The following TBC1D8 variants were observed in gnomAD, a reference collection of about 807,000 sequenced individuals.
The protein encoded by TBC1D8 is BUB2-like protein 1.
In TBC1D8, 65 loss-of-function variants were observed where a neutral mutation model predicts 118.8. That is an observed-to-expected ratio of 0.55 (90% confidence interval 0.45 to 0.67). The LOEUF (loss-of-function observed/expected upper bound fraction) is 0.67. Among genes scored for constraint, TBC1D8 ranks in the 30% least tolerant of loss-of-function variants. TBC1D8 has a pLI of 0.00. For missense variants in TBC1D8, 1,376 were observed against 1,471.2 expected, an observed-to-expected ratio of 0.94 and a Z score of 1.06; for synonymous variants, 566 against 595.8, an observed-to-expected ratio of 0.95 and a Z score of 0.73.
At chr2:101,050,259 C>A in intron 5 of TBC1D8, 142 bp downstream of exon 5, 1 of 1,240,800 alleles carries the variant, frequency 8.1e-7, no homozygotes, top group Non-Finnish European at 1.1e-6. Flanking sequence ...AGATTAACGA[C>A]ATACAAAAAT....
chr2:101,040,975 TTGAG>T (rs1681353314), intron 5 of TBC1D8, among the ~76,000 whole-genome samples: 1 of 152,228 alleles, frequency 6.6e-6, no homozygotes, highest in Admixed American at 6.5e-5. Context: ...CCTTCCTGGT[TTGAG>T]TAACACTGAG....
At chr2:101,017,596 A>AC (rs1679750804) in intron 17 of TBC1D8, among the ~76,000 whole-genome samples, 1 of 152,178 alleles carries the variant, frequency 6.6e-6, no homozygotes, top group Non-Finnish European at 1.5e-5. Context: ...ATTTATCAGT[A>AC]CCTACCATCT....
At chr2:101,013,607 C>T (rs1679397315) in intron 17 of TBC1D8, among the ~76,000 whole-genome samples, 1 of 152,230 alleles carries the variant, frequency 6.6e-6, no homozygotes, top group Non-Finnish European at 1.5e-5. Flanking sequence ...ACAGATACCA[C>T]CAGCAGGAAG....
chr2:101,120,940 C>A (rs1218134722), intron 1 of TBC1D8, among the ~76,000 whole-genome samples: 1 of 152,220 alleles, frequency 6.6e-6, no homozygotes, highest in African/African-American at 2.4e-5. Flanking sequence ...TACACTACAG[C>A]TGGATGTGTA....
chr2:101,033,731 G>A lies in TBC1D8; in HGVS notation c.1631C>T (p.Pro544Leu). 4 of 1,613,722 alleles carry A rather than the reference G, an allele frequency of 2.5e-6. No individual in the cohort carries two copies. The highest frequency in any genetic ancestry group is 3.4e-6 in the Non-Finnish European group (4 of 1,179,664). The stretch of plus-strand genomic sequence containing the variant: ...CTCCACCAGATTCCCGTAGTAACCA[G>A]GGTGTGAGGCAAGATCCGTCACCGC... Reference protein sequence around the residue: ...SDAVTDLASHPGYYGNLVEES... With the variant: ...SDAVTDLASHLGYYGNLVEES... The change falls in exon 10 of 20, where the codon CCT (proline) becomes CTT (leucine). Residue 544 changes from proline to leucine, a missense_variant. Transcript: ENST00000409318.
At chr2:101,089,339 A>G (rs1296033933) in intron 2 of TBC1D8, among the ~76,000 whole-genome samples, 1 of 152,216 alleles carries the variant, frequency 6.6e-6, no homozygotes, top group African/African-American at 2.4e-5. Context: ...TTAGCTGTGG[A>G]TAAAGGGTTG....
chr2:101,136,715 C>T (rs1025540302), intron 1 of TBC1D8, among the ~76,000 whole-genome samples: 2 of 152,144 alleles, frequency 1.3e-5, no homozygotes, highest in African/African-American at 4.8e-5. Context: ...CTAGTCTGAC[C>T]CTTCACTCCA....
intron 5 of TBC1D8, among the ~76,000 whole-genome samples, chr2:101,044,107 G>A (rs1437311244): frequency 1.3e-5 from 2 of 152,214 alleles, no homozygotes; most frequent in South Asian, 2.1e-4. Flanking sequence ...TTTCAGGGCT[G>A]TCCTCACTTT....
chr2:101,059,938 CAA>C (rs77974585), intron 2 of TBC1D8, among the ~76,000 whole-genome samples: 1 of 143,130 alleles, frequency 7.0e-6, no homozygotes. Context: ...GACTCCGTCT[CAA>C]AAAAAAAAAA....
At position 101,124,841 on chromosome 2, in the gene TBC1D8, C is replaced by A. The variant is rs530410366; in HGVS notation, c.127+26286G>T. ...ATGAAGAGGCTGGGTGGCCAGGAAT[C>A]CTCTTTCGAAGCATCTGGAGACGTG... On this transcript the variant is annotated intron_variant, in intron 1 of 19. Transcript: ENST00000409318. Among the ~76,000 whole-genome samples the A allele has an allele frequency of 5.3e-5, 8 of 152,276 alleles. No individual in the cohort carries two copies. In the South Asian group the frequency reaches 8.3e-4, roughly 16 times the overall value.
At chr2:101,027,324 G>A in intron 15 of TBC1D8, 59 bp downstream of exon 15, 2 of 1,518,002 alleles carry the variant, frequency 1.3e-6, no homozygotes, top group Non-Finnish European at 1.8e-6. Flanking sequence ...GGCAGGCTGG[G>A]CACCGCGGCT....
intron 6 of TBC1D8, 146 bp from the exon 7 acceptor site, chr2:101,038,801 A>C (rs1573916834): frequency 1.1e-6 from 1 of 893,060 alleles, no homozygotes; most frequent in Non-Finnish European, 1.7e-6. Flanking sequence ...GGCACTGCTC[A>C]CCCCCACCAC....
intron 1 of TBC1D8, among the ~76,000 whole-genome samples, chr2:101,111,661 T>C (rs574811203): frequency 6.6e-6 from 1 of 152,290 alleles, no homozygotes; most frequent in Non-Finnish European, 1.5e-5. Context: ...GCCTCAGGTG[T>C]CTGGAGCGAG....
At chr2:101,101,486 T>C (rs113959253) in intron 1 of TBC1D8, among the ~76,000 whole-genome samples, 45,201 of 152,062 alleles carry the variant, frequency 0.3, 6,873 homozygotes, top group East Asian at 0.38. Context: ...GAAGACAGTA[T>C]GGCAATTCCT....
intron 11 of TBC1D8, among the ~76,000 whole-genome samples, chr2:101,030,625 A>G (rs896577953): frequency 6.6e-5 from 10 of 152,258 alleles, no homozygotes; most frequent in African/African-American, 2.4e-4. Context: ...TCATACATCT[A>G]ACCTATGACC....
chr2:101,141,004 C>T (rs1679077018), intron 1 of TBC1D8, among the ~76,000 whole-genome samples: 1 of 151,986 alleles, frequency 6.6e-6, no homozygotes, highest in African/African-American at 2.4e-5. Flanking sequence ...TCAGGTGATC[C>T]ACCCACCTCA....
intron 1 of TBC1D8, among the ~76,000 whole-genome samples, chr2:101,101,646 C>A (rs1676841292): frequency 6.6e-6 from 1 of 152,108 alleles, no homozygotes; most frequent in Non-Finnish European, 1.5e-5. Flanking sequence ...TGGAAACAAC[C>A]CAAATGCCCA....
intron 1 of TBC1D8, among the ~76,000 whole-genome samples, chr2:101,121,576 G>T (rs970451718): frequency 6.6e-6 from 1 of 152,206 alleles, no homozygotes; most frequent in Non-Finnish European, 1.5e-5. Context: ...GCTCTCTGAG[G>T]TCTCATTTGT....
chr2:101,039,628 C>A (rs1470005018), intron 6 of TBC1D8, among the ~76,000 whole-genome samples: 1 of 152,166 alleles, frequency 6.6e-6, no homozygotes, highest in Admixed American at 6.5e-5. Context: ...TGGAAGTAAT[C>A]TGAGCCCCCA....
Sources: gnomAD v4.1 joint callset for allele counts (sites outside exome capture counted in the v4.1 genomes callset) on GRCh38, gnomAD v4.1.1 for gene constraint, MANE v1.5 for transcripts, NCBI Gene and HGNC (gene_info 2026-07-23, HGNC 2026-07-21) for gene names.